Variants in HACD3 observed in about 807,000 individuals in gnomAD.
HACD3 encodes the protein 3-hydroxyacyl-CoA dehydratase 3, also known as very-long-chain (3R)-3-hydroxyacyl-CoA dehydratase 3.
A neutral mutation model predicts 55.2 loss-of-function variants in HACD3; 30 were observed. The observed-to-expected ratio is 0.54, with a 90% CI of 0.41 to 0.74. The LOEUF is 0.74. HACD3 is among the 30% of genes least tolerant of loss of function. The pLI is 0.00. For synonymous variants in HACD3, 141 were observed against 151.7 expected, an observed-to-expected ratio of 0.93 and a Z score of 0.52; for missense variants, 363 against 440.1, an observed-to-expected ratio of 0.82 and a Z score of 1.57.
chr15:65,553,978 T>G (rs2072161553), intron 2 of HACD3, among the ~76,000 whole-genome samples: 1 of 152,348 alleles, frequency 6.6e-6, no homozygotes, highest in East Asian at 1.9e-4. Flanking sequence ...GGTACTTCCC[T>G]CCTAGTTCCA....
At chr15:65,535,895 G>T in intron 1 of HACD3, 2 of 514,504 alleles carry the variant, frequency 3.9e-6, no homozygotes, top group South Asian at 5.5e-5. Context: ...TCATTATGTT[G>T]GCCAGGCTGG....
chr15:65,571,466 AT>A (rs2072346805), intron 8 of HACD3, 81 bp from the exon 9 acceptor site: 3 of 993,584 alleles, frequency 3.0e-6, no homozygotes, highest in Non-Finnish European at 4.6e-6. Flanking sequence ...GAGAAATAGA[AT>A]TCTTCTATTT....
chr15:65,569,197 A>G (rs1320054435), intron 7 of HACD3, among the ~76,000 whole-genome samples: 3 of 151,146 alleles, frequency 2.0e-5, no homozygotes, highest in South Asian at 4.2e-4. Flanking sequence ...GCAGTGAGCC[A>G]AGATCGTGCC....
rs775666720 is a variant in HACD3, at chr15:65,535,797, G to A, written c.87+5079G>A. The A allele has an allele frequency of 2.6e-5, 17 of 654,140 alleles. No homozygotes were observed. The South Asian group carries it at 2.6e-4, about 10-fold the overall frequency. The allele number at this position is 654,140 out of a possible 1,614,324, so 40.5% of individuals were successfully genotyped here. A position where few individuals can be genotyped will look rare whatever the true frequency, so the allele number is the denominator to read the frequency against. On this transcript the variant is annotated intron_variant, in intron 1 of 10. Transcript: ENST00000261875. Reference sequence around the variant, plus strand: ...CGTAGCCTTGAACTCCTGGGTTTGAGCAGTCCTCCTGGCTCAGCCTACCAA... The same window carrying A: ...CGTAGCCTTGAACTCCTGGGTTTGAACAGTCCTCCTGGCTCAGCCTACCAA...
chr15:65,572,594 G>T (rs1027338586), intron 10 of HACD3, among the ~76,000 whole-genome samples: 1 of 152,134 alleles, frequency 6.6e-6, no homozygotes, highest in Non-Finnish European at 1.5e-5. Flanking sequence ...TGGTGATTGG[G>T]AATATACCAT....
intron 2 of HACD3, chr15:65,553,284 C>T (rs1349967403): frequency 6.6e-6 from 1 of 151,728 alleles, no homozygotes; most frequent in Non-Finnish European, 1.5e-5. Context: ...TTTGTGGCTC[C>T]CTGATACTAG....
intron 1 of HACD3, among the ~76,000 whole-genome samples, chr15:65,543,281 A>T (rs577284033): frequency 6.6e-6 from 1 of 152,272 alleles, no homozygotes; most frequent in South Asian, 2.1e-4. Flanking sequence ...TATTCTAAGG[A>T]CAAAAAGAAC....
At chr15:65,572,733 G>C (rs573363970) in intron 10 of HACD3, among the ~76,000 whole-genome samples, 1 of 151,902 alleles carries the variant, frequency 6.6e-6, no homozygotes, top group Admixed American at 6.6e-5. Flanking sequence ...TGATCAACGT[G>C]GTGAAACCCT....
chr15:65,552,385 G>C (rs1315206714), intron 2 of HACD3, among the ~76,000 whole-genome samples: 2 of 152,136 alleles, frequency 1.3e-5, no homozygotes, highest in Non-Finnish European at 2.9e-5. Context: ...ACCCAGGCTG[G>C]AATGCAGTGG....
At chr15:65,540,862 TATA>T (rs1567331506) in intron 1 of HACD3, among the ~76,000 whole-genome samples, 1 of 152,200 alleles carries the variant, frequency 6.6e-6, no homozygotes, top group Non-Finnish European at 1.5e-5. Context: ...GGGAGGCTGT[TATA>T]GTAGTATGGG....
At chr15:65,572,155 A>T in intron 9 of HACD3, 80 bp from the exon 10 acceptor site, 1 of 1,551,208 alleles carries the variant, frequency 6.4e-7, no homozygotes, top group Non-Finnish European at 8.7e-7. Flanking sequence ...CTGAAACTTT[A>T]GAGTACTAGG....
intron 1 of HACD3, chr15:65,531,224 T>C (rs1052085844): frequency 1.6e-4 from 3 of 18,468 alleles, no homozygotes; most frequent in African/African-American, 4.3e-4. Flanking sequence ...GGGGGAGGGG[T>C]GGGGGGCCAC....
At chr15:65,538,593 A>G (rs2071987076) in intron 1 of HACD3, among the ~76,000 whole-genome samples, 1 of 152,262 alleles carries the variant, frequency 6.6e-6, no homozygotes, top group South Asian at 2.1e-4. Flanking sequence ...ATGACAATGA[A>G]GGGTTTATAC....
intron 1 of HACD3, among the ~76,000 whole-genome samples, chr15:65,537,115 A>G (rs1243191093): frequency 1.3e-5 from 2 of 152,222 alleles, no homozygotes; most frequent in Non-Finnish European, 2.9e-5. Context: ...CAATTCTATG[A>G]AGGCTGAGAG....
Position 65,551,737 on chromosome 15 carries a change from G to T in HACD3, c.130+19G>T, listed in dbSNP as rs758771428. 6.2e-7 allele frequency: 1 copy of T among 1,613,146 alleles called. No individual in the cohort carries two copies. The highest frequency in any genetic ancestry group is 8.5e-7 in the Non-Finnish European group (1 of 1,179,272). On this transcript the variant is annotated intron_variant, in intron 2 of 10. Coordinates refer to ENST00000261875, the MANE Select transcript of HACD3 (RefSeq NM_016395.4). ...TTCAAAGGTCAGTATCCCAGCAAATGCTCCCATCTCTATACACAGTTAAGG... is the reference window on the plus strand; with the variant it reads ...TTCAAAGGTCAGTATCCCAGCAAATTCTCCCATCTCTATACACAGTTAAGG...
At chr15:65,556,345 A>G (rs1331375730) in intron 3 of HACD3, among the ~76,000 whole-genome samples, 1 of 152,190 alleles carries the variant, frequency 6.6e-6, no homozygotes, top group Non-Finnish European at 1.5e-5. Flanking sequence ...TCTCATAAAG[A>G]GTGAGCAACC....
chr15:65,554,395 G>A (rs951584300), intron 2 of HACD3, among the ~76,000 whole-genome samples: 1 of 152,172 alleles, frequency 6.6e-6, no homozygotes, highest in East Asian at 1.9e-4. Context: ...CTGTTGAGGA[G>A]CTCTGCGCAC....
Position 65,570,114 on chromosome 15 carries a change from G to T in HACD3, c.684G>T (p.Leu228Phe). The T allele has an allele frequency of 6.2e-7, 1 of 1,608,828 alleles. No homozygotes were observed. The highest frequency in any genetic ancestry group is 8.5e-7 in the Non-Finnish European group (1 of 1,177,148). The change falls in exon 8 of 11, where the codon TTG (leucine) becomes TTT (phenylalanine). Residue 228 changes from leucine to phenylalanine, a missense_variant. Physicochemically the swap from Leu to Phe is conservative, Grantham distance 22. Coordinates refer to ENST00000261875, the MANE Select transcript of HACD3 (RefSeq NM_016395.4). ...AGCTTCTTGGAAGAAATTTTATTTT[G>T]TTTATCATCTTTGGCACCATGGAAG... Reference protein sequence around the residue: ...LIQLLGRNFILFIIFGTMEEM... With the variant: ...LIQLLGRNFIFFIIFGTMEEM...
intron 6 of HACD3, among the ~76,000 whole-genome samples, chr15:65,563,385 G>A (rs2072261889): frequency 6.6e-6 from 1 of 152,062 alleles, no homozygotes; most frequent in African/African-American, 2.4e-5. Flanking sequence ...GCATTCCATT[G>A]GTAAATGCCA....
Sources: allele counts gnomAD v4.1 joint callset (sites outside exome capture counted in the v4.1 genomes callset), GRCh38; gene constraint gnomAD v4.1.1; transcripts MANE v1.5; gene names NCBI Gene and HGNC (gene_info 2026-07-23, HGNC 2026-07-21).